The following CDYL variants were observed in gnomAD, a reference collection of about 807,000 sequenced individuals.
CDYL encodes the protein chromodomain Y like.
Under a neutral mutation model 47.3 loss-of-function variants are expected in CDYL, and 8 were observed. The observed-to-expected ratio is 0.17, with a 90% confidence interval of 0.10 to 0.31. CDYL has a LOEUF of 0.31. Among genes scored for constraint, CDYL ranks in the 10% least tolerant of loss-of-function variants. The probability of loss-of-function intolerance (pLI) is 1.00; values close to 1 mark genes in which losing one functional copy is unlikely to be tolerated. For synonymous variants in CDYL, 266 were observed against 265.0 expected, an observed-to-expected ratio of 1.00 and a Z score of -0.04; for missense variants, 471 against 701.4, an observed-to-expected ratio of 0.67 and a Z score of 3.71.
At chr6:4,924,700 A>G (rs1757814063) in intron 2 of CDYL, among the ~76,000 whole-genome samples, 1 of 152,230 alleles carries the variant, frequency 6.6e-6, no homozygotes, top group Non-Finnish European at 1.5e-5. Flanking sequence ...CGAGTCAACC[A>G]AAAAATGAAC....
chr6:4,947,465 C>T (rs535517943), intron 5 of CDYL, among the ~76,000 whole-genome samples: 1 of 152,326 alleles, frequency 6.6e-6, no homozygotes, highest in African/African-American at 2.4e-5. Context: ...AAGGCCAAGT[C>T]TCAGCCCTCT....
chr6:4,840,048 G>T (rs1033852422), intron 1 of CDYL, among the ~76,000 whole-genome samples: 1 of 152,106 alleles, frequency 6.6e-6, no homozygotes, highest in African/African-American at 2.4e-5. Flanking sequence ...ACCTCTCCAT[G>T]GGCATGGGAT....
intron 1 of CDYL, 48 bp from the exon 2 acceptor site, chr6:4,891,665 C>A: frequency 6.8e-7 from 1 of 1,469,494 alleles, no homozygotes; most frequent in South Asian, 1.3e-5. Context: ...GCACTTTTCC[C>A]CCCAAATTTT....
At chr6:4,819,116 T>TTC (rs373718294) in intron 1 of CDYL, among the ~76,000 whole-genome samples, 10,063 of 76,424 alleles carry the variant, frequency 0.13, 1,113 homozygotes, top group Non-Finnish European at 0.18. Context: ...TTTAGGTTCG[T>TTC]TCTCTCTCTC....
At chr6:4,796,313 T>C (rs1394824472) in intron 1 of CDYL, among the ~76,000 whole-genome samples, 1 of 152,218 alleles carries the variant, frequency 6.6e-6, no homozygotes, top group Admixed American at 6.5e-5. Flanking sequence ...AAAATGATTT[T>C]AGTTTGATGT....
intron 3 of CDYL, among the ~76,000 whole-genome samples, chr6:4,769,657 G>C (rs2127425193): frequency 6.6e-6 from 1 of 152,294 alleles, no homozygotes; most frequent in South Asian, 2.1e-4. Flanking sequence ...TGGTACCCAA[G>C]CATGTCCAGT....
At chr6:4,747,343 A>T (rs1386381539) in intron 3 of CDYL, among the ~76,000 whole-genome samples, 1 of 151,004 alleles carries the variant, frequency 6.6e-6, no homozygotes, top group Non-Finnish European at 1.5e-5. Flanking sequence ...TTAATGCATT[A>T]TTACCCAAAA....
At chr6:4,742,146 G>A (rs1757807962) in intron 3 of CDYL, among the ~76,000 whole-genome samples, 1 of 152,030 alleles carries the variant, frequency 6.6e-6, no homozygotes, top group Non-Finnish European at 1.5e-5. Flanking sequence ...TGGAGCCCAG[G>A]AATTCAAGAC....
chr6:4,720,494 A>G (rs1376006708), intron 2 of CDYL, among the ~76,000 whole-genome samples: 1 of 152,202 alleles, frequency 6.6e-6, no homozygotes, highest in Non-Finnish European at 1.5e-5. Context: ...ATATTTGGAA[A>G]ATAATATTAA....
At chr6:4,772,839 A>C, upstream of CDYL, 1 of 301,532 alleles carries the variant, frequency 3.3e-6, no homozygotes, top group South Asian at 3.1e-5. Flanking sequence ...CCAACCATAA[A>C]ACGCCTTTGG....
chr6:4,863,769 A>G (rs6926191), intron 1 of CDYL, among the ~76,000 whole-genome samples: 8,564 of 152,294 alleles, frequency 0.056, 251 homozygotes, highest in South Asian at 0.14. Flanking sequence ...GCTGATTTCA[A>G]ATTGGCTTAA....
chr6:4,804,679 T>A (rs1001279162), intron 1 of CDYL, among the ~76,000 whole-genome samples: 2 of 152,226 alleles, frequency 1.3e-5, no homozygotes, highest in African/African-American at 2.4e-5. Context: ...TTGACTGTCA[T>A]AGAGACCGCT....
chr6:4,798,473 TTAAGA>T (rs1238865113), intron 1 of CDYL, among the ~76,000 whole-genome samples: 3 of 152,214 alleles, frequency 2.0e-5, no homozygotes, highest in Non-Finnish European at 4.4e-5. Context: ...TTCTGATAGT[TTAAGA>T]TTTCTTACCT....
chr6:4,746,288 C>T (rs1297538276), intron 3 of CDYL, among the ~76,000 whole-genome samples: 5 of 150,468 alleles, frequency 3.3e-5, no homozygotes, highest in African/African-American at 7.3e-5. Flanking sequence ...CACTTGAACC[C>T]GGGAGGCGGA....
At chr6:4,742,703 T>C (rs996262779) in intron 3 of CDYL, among the ~76,000 whole-genome samples, 2 of 152,260 alleles carry the variant, frequency 1.3e-5, no homozygotes, top group African/African-American at 4.8e-5. Flanking sequence ...CATTCCTTGA[T>C]TGAGCTGCTG....
intron 4 of CDYL, among the ~76,000 whole-genome samples, chr6:4,941,993 A>G (rs947522890): frequency 6.6e-6 from 1 of 152,200 alleles, no homozygotes; most frequent in African/African-American, 2.4e-5. Flanking sequence ...ATGTATTTCC[A>G]TCTTGTGTCA....
intron 2 of CDYL, among the ~76,000 whole-genome samples, chr6:4,912,073 A>G (rs1488820872): frequency 1.3e-5 from 2 of 152,188 alleles, no homozygotes; most frequent in Admixed American, 1.3e-4. Flanking sequence ...TCTAAAATTG[A>G]CATCCATATG....
rs370432473 is a variant in CDYL, at chr6:4,939,232, T to C, written c.1121+1495T>C. ...ACTGCCCTTGGTGCACTGGGCTTTC[T>C]AGCACCTAAACCCTTCTAGAGCTTG... On this transcript the variant is annotated intron_variant, in intron 4 of 6. Coordinates refer to ENST00000397588, the MANE Select transcript of CDYL (RefSeq NM_004824.4). Among the ~76,000 whole-genome samples, 308 of 152,314 alleles carry C rather than the reference T, an allele frequency of 2.0e-3. 4 individuals carry two copies. In the Middle Eastern group the frequency reaches 0.027, roughly 13 times the overall value.
intron 1 of CDYL, chr6:4,715,632 C>A: frequency 9.3e-7 from 1 of 1,073,422 alleles, no homozygotes; most frequent in Non-Finnish European, 1.3e-6. Flanking sequence ...AAAATGCTGG[C>A]TCACTCTCAG....
Sources: gnomAD v4.1 joint callset for allele counts (sites outside exome capture counted in the v4.1 genomes callset) on GRCh38, gnomAD v4.1.1 for gene constraint, MANE v1.5 for transcripts, NCBI Gene and HGNC (gene_info 2026-07-23, HGNC 2026-07-21) for gene names.